The following LRRC37A2 variants were observed in gnomAD, a reference collection of about 807,000 sequenced individuals.
LRRC37A2 encodes the protein leucine rich repeat containing 37 member A2, also known as leucine-rich repeat-containing protein 37A2.
In LRRC37A2, 9 loss-of-function variants were observed where a neutral mutation model predicts 68.8. That is an observed-to-expected ratio of 0.13 (90% CI 0.08 to 0.23). LRRC37A2 has a LOEUF of 0.23. Ranked by LOEUF, LRRC37A2 falls within the 10% of genes least tolerant of loss-of-function variation. LRRC37A2 has a pLI of 1.00. For missense variants in LRRC37A2, 168 were observed against 950.4 expected, an observed-to-expected ratio of 0.18 and a Z score of 10.82; for synonymous variants, 63 against 367.6, an observed-to-expected ratio of 0.17 and a Z score of 9.48.
chr17:46,998,055 A>C, the LRRC37A2 span, among the ~76,000 whole-genome samples: 1 of 152,268 alleles, frequency 6.6e-6, no homozygotes, highest in East Asian at 1.9e-4. Context: ...GACATCAACT[A>C]ATCATATTGT....
rs903829246 is a variant in LRRC37A2, at chr17:46,532,189, A to G, written c.2907-7987A>G. On this transcript the variant is annotated intron_variant, in intron 6 of 14. Transcript: ENST00000576629. ...GCTGGGATTACAGGCATGAGCTACC[A>G]TGCCCAGCCAATAAATGAAAACTTT... Among the ~76,000 whole-genome samples, 342 of 149,066 alleles carry G rather than the reference A, an allele frequency of 2.3e-3. 28 individuals are homozygous for G. Among genetic ancestry groups the G allele is most frequent in the African/African-American group, 8.5e-3 (332 of 39,094 alleles).
the LRRC37A2 span, among the ~76,000 whole-genome samples, chr17:46,404,879 AAAAT>A: frequency 0.33 from 29,399 of 89,906 alleles, 8,650 homozygotes; most frequent in Middle Eastern, 0.54. Context: ...CAAACAAATT[AAAAT>A]AAATAAATAA....
chr17:47,001,974 A>T, the LRRC37A2 span, among the ~76,000 whole-genome samples: 37 of 152,042 alleles, frequency 2.4e-4, no homozygotes, highest in Admixed American at 2.6e-4. Flanking sequence ...CCTCGCCTCA[A>T]GTGATCCGCC....
At chr17:46,942,461 C>A in the LRRC37A2 span, among the ~76,000 whole-genome samples, 1 of 152,214 alleles carries the variant, frequency 6.6e-6, no homozygotes, top group Non-Finnish European at 1.5e-5. Flanking sequence ...GCCCCTCATC[C>A]AGCTTGGAAC....
chr17:46,543,362 T>C (rs1160643083), intron 8 of LRRC37A2, among the ~76,000 whole-genome samples: 2 of 150,824 alleles, frequency 1.3e-5, no homozygotes, highest in Non-Finnish European at 2.9e-5. Flanking sequence ...CAGTATACTT[T>C]AAAACAATCC....
intron 8 of LRRC37A2, among the ~76,000 whole-genome samples, chr17:46,542,706 T>C (rs113793614): frequency 6.7e-6 from 1 of 150,094 alleles, no homozygotes; most frequent in African/African-American, 2.5e-5. Context: ...AATATATATA[T>C]ATTTATATAT....
chr17:47,015,210 G>A, the LRRC37A2 span, among the ~76,000 whole-genome samples: 4 of 152,010 alleles, frequency 2.6e-5, no homozygotes, highest in Non-Finnish European at 5.9e-5. Context: ...GTTTCACCAC[G>A]TTGGCCAGGC....
At chr17:47,011,263 T>C in the LRRC37A2 span, among the ~76,000 whole-genome samples, 297 of 152,250 alleles carry the variant, frequency 2.0e-3, 2 homozygotes, top group Non-Finnish European at 8.1e-4. Flanking sequence ...AGTATATTTT[T>C]TCCAGGATGG....
chr17:46,871,151 C>T, the LRRC37A2 span, among the ~76,000 whole-genome samples: 147 of 152,084 alleles, frequency 9.7e-4, no homozygotes, highest in African/African-American at 3.3e-3. Context: ...TCAAGCGATC[C>T]ACCTGCTCAG....
chr17:46,853,361 G>T, the LRRC37A2 span, among the ~76,000 whole-genome samples: 2 of 106,122 alleles, frequency 1.9e-5, no homozygotes, highest in East Asian at 5.5e-4. Context: ...TAATGCTAGT[G>T]ACTTTTTTTT....
chr17:46,788,734 G>GCCCTGCGAGGACCTCCCTGCGAGGACCT, the LRRC37A2 span, among the ~76,000 whole-genome samples: 37 of 152,024 alleles, frequency 2.4e-4, no homozygotes, highest in South Asian at 4.2e-4. Flanking sequence ...AGGTGCAGTG[G>GCCCTGCGAGGACCTCCCTGCGAGGACCT]CCCTGCGAGG....
chr17:46,732,600 A>AT, the LRRC37A2 span, among the ~76,000 whole-genome samples: 1 of 152,172 alleles, frequency 6.6e-6, no homozygotes, highest in Non-Finnish European at 1.5e-5. Context: ...TTCATGATTG[A>AT]TTTATTAGCC....
the LRRC37A2 span, among the ~76,000 whole-genome samples, chr17:46,745,917 T>C: frequency 2.0e-5 from 3 of 152,214 alleles, no homozygotes; most frequent in Non-Finnish European, 4.4e-5. Flanking sequence ...GCCCTTGGAC[T>C]TAGGTATTTC....
chr17:46,622,581 G>C, the LRRC37A2 span, among the ~76,000 whole-genome samples: 2 of 147,732 alleles, frequency 1.4e-5, no homozygotes, highest in East Asian at 4.2e-4. Flanking sequence ...TCAGGAGTTC[G>C]AGACCAGCCT....
chr17:46,736,452 T>A, the LRRC37A2 span, among the ~76,000 whole-genome samples: 3 of 152,222 alleles, frequency 2.0e-5, no homozygotes, highest in African/African-American at 7.2e-5. Context: ...ATTTCCTGTG[T>A]CCTTGGGGAT....
At chr17:46,712,739 G>T in the LRRC37A2 span, among the ~76,000 whole-genome samples, 1 of 152,102 alleles carries the variant, frequency 6.6e-6, no homozygotes, top group Non-Finnish European at 1.5e-5. Flanking sequence ...CCTAGAACTT[G>T]TCTCTGAAGC....
the LRRC37A2 span, among the ~76,000 whole-genome samples, chr17:46,837,723 G>A: frequency 1.3e-5 from 2 of 152,192 alleles, no homozygotes; most frequent in African/African-American, 4.8e-5. Context: ...TGGAGGGATG[G>A]CTCATGGTCA....
the LRRC37A2 span, among the ~76,000 whole-genome samples, chr17:46,842,941 C>T: frequency 3.9e-5 from 6 of 152,242 alleles, no homozygotes; most frequent in Admixed American, 2.0e-4. Context: ...ATGAAGAAAC[C>T]GAGGTCGCAG....
the LRRC37A2 span, chr17:46,952,533 A>C: frequency 1.3e-5 from 2 of 152,200 alleles, no homozygotes; most frequent in Non-Finnish European, 2.9e-5. Flanking sequence ...AATTCTGGTC[A>C]ATAAGATATG....
Sources: gnomAD v4.1 joint callset for allele counts (sites outside exome capture counted in the v4.1 genomes callset) on GRCh38, gnomAD v4.1.1 for gene constraint, MANE v1.5 for transcripts, NCBI Gene and HGNC (gene_info 2026-07-23, HGNC 2026-07-21) for gene names.